MROH7: variants seen among roughly 807,000 people sequenced by gnomAD.
MROH7 encodes maestro heat-like repeat-containing protein family member 7.
Under a neutral mutation model 129.2 loss-of-function variants are expected in MROH7, and 113 were observed. The ratio of observed to expected loss-of-function variants is 0.87; its 90% CI spans 0.75 to 1.02. The LOEUF (loss-of-function observed/expected upper bound fraction) is 1.02, where lower values mean the gene tolerates loss of function less well. Among genes scored for constraint, MROH7 ranks in the 50% least tolerant of loss-of-function variants. The pLI is 0.00. For synonymous variants in MROH7, 655 were observed against 667.9 expected (o/e 0.98, Z 0.30); for missense variants, 1,601 against 1,671.3 (o/e 0.96, Z 0.73).
In MROH7 at chr1:54,682,517, T is replaced by C. The variant is rs747326438; in HGVS notation, c.2382-139T>C. ...TAGCCCCTGACTCTTTGGGAGTGTT[T>C]TCTGGACTATTCCTTGCAGGTGTGC... is the stretch of plus-strand genomic sequence containing the variant. On this transcript the variant is annotated intron_variant, in intron 13 of 23. Coordinates refer to ENST00000421030, the MANE Select transcript of MROH7 (RefSeq NM_001039464.4). The C allele has an allele frequency of 9.8e-5, 78 of 794,916 alleles. 1 individual carries two copies. Among genetic ancestry groups the C allele is most frequent in the Non-Finnish European group, 3.0e-5 (15 of 498,396 alleles). The allele number at this position is 794,916 out of a possible 1,614,324, so 49.2% of individuals were successfully genotyped here. A position where few individuals can be genotyped will look rare whatever the true frequency, so the allele number is the denominator to read the frequency against.
chr1:54,686,332 G>C lies in MROH7; in HGVS notation c.2595G>C (p.Leu865=). The change falls in exon 15 of 24, where the codon CTG becomes CTC. Residue 865 remains leucine, a synonymous_variant. Transcript: ENST00000421030. ...MGRVRRIYPQ[L]LLALLIQVHY... The stretch of plus-strand genomic sequence containing the variant: ...GTGTGAGGCGCATCTACCCTCAGCT[G>C]CTCCTGGCCCTGCTCATTCAGGTCC... 6.2e-7 allele frequency: 1 copy of C among 1,614,164 alleles called. No individual in the cohort carries two copies.
At position 54,682,783 on chromosome 1, in the gene MROH7, G is replaced by A. The variant is rs1334652008; in HGVS notation, c.2509G>A (p.Val837Met). 6.8e-6 allele frequency: 11 copies of A among 1,612,012 alleles called. No individual in the cohort carries two copies. The highest frequency in any genetic ancestry group is 1.3e-5 in the African/African-American group (1 of 74,890). ...PVTKEGRASI[V>M]PLAAASGLCE... ...CACCAAGGAGGGCCGGGCTTCCATCGTGCCCCTGGCGGTGAGCACCCAGTC... is the reference window on the plus strand; with the variant it reads ...CACCAAGGAGGGCCGGGCTTCCATCATGCCCCTGGCGGTGAGCACCCAGTC... Residue 837 changes from valine to methionine, a missense_variant, in exon 14 of 24, where the codon GTG (valine) becomes ATG (methionine). By Grantham distance (21) the Val-to-Met change is conservative. Transcript: ENST00000421030.
chr1:54,664,049 C>T (rs950273276), intron 3 of MROH7: 1 of 263,680 alleles, frequency 3.8e-6, no homozygotes, highest in Admixed American at 5.1e-5. Context: ...CTCTATTGGT[C>T]CTGCCCAGTA....
chr1:54,697,816 T>A (rs1645347041), intron 17 of MROH7: 1 of 582,156 alleles, frequency 1.7e-6, no homozygotes, highest in East Asian at 2.8e-5. Context: ...AGTCTGTTAG[T>A]GTCTACCACA....
Position 54,652,963 on chromosome 1 carries a change from G to A in MROH7, c.37G>A (p.Glu13Lys). 1 of 1,610,648 alleles carries A rather than the reference G, an allele frequency of 6.2e-7. No homozygotes were observed. Residue 13 changes from glutamate (E) to lysine (K), a missense_variant, in exon 3 of 24, where the codon GAA becomes AAA. Physicochemically the swap from Glu to Lys is moderately conservative, Grantham distance 56. Transcript: ENST00000421030. Reference protein sequence around the residue: ...LSPGANLVFHEDPKMTPSPPS... With the variant: ...LSPGANLVFHKDPKMTPSPPS... ...TCCAGGGGCTAACCTGGTCTTCCAT[G>A]AAGACCCAAAGATGACACCAAGTCC...
chr1:54,670,439 GC>G, intron 5 of MROH7, 57 bp from the exon 6 acceptor site: 1 of 1,508,970 alleles, frequency 6.6e-7, no homozygotes, highest in African/African-American at 1.4e-5. Context: ...GGCAGCCTTG[GC>G]CCTGGTGGCC....
rs761602228 is a variant in MROH7 at position 54,700,449 on chromosome 1, C to T, written c.3093C>T (p.Arg1031=). ...LSIRGLVILA[R]RSEKTAKVKA... is the part of the protein sequence containing the mutation. ...TTCGAGGCCTGGTCATCCTGGCCCG[C>T]AGGTCTGAGAAGGTGAGTGGGAGGC... Residue 1031 remains arginine (R), a synonymous_variant, in exon 18 of 24, where the codon CGC becomes CGT. Coordinates refer to ENST00000421030, the MANE Select transcript of MROH7 (RefSeq NM_001039464.4). 2 of 1,599,454 alleles carry T rather than the reference C, an allele frequency of 1.3e-6. No individual in the cohort carries two copies. The highest frequency in any genetic ancestry group is 1.7e-6 in the Non-Finnish European group (2 of 1,171,910).
rs374681053 is a variant in MROH7 at position 54,702,125 on chromosome 1, G to A, written c.3321G>A (p.Leu1107=). 1 of 1,611,730 alleles carries A rather than the reference G, an allele frequency of 6.2e-7. No homozygotes were observed. The change falls in exon 20 of 24, where the codon CTG becomes CTA. Residue 1107 remains leucine, a synonymous_variant. Coordinates refer to ENST00000421030, the MANE Select transcript of MROH7 (RefSeq NM_001039464.4). The stretch of plus-strand genomic sequence containing the variant: ...TCGTGCGCTCCTCCTGCATCAACCT[G>A]TATGGGAAGGTGGTCCAGAAGCTTC... ...REVVRSSCIN[L]YGKVVQKLRA...
At chr1:54,670,675 C>T in intron 6 of MROH7, 99 bp downstream of exon 6, 1 of 1,305,026 alleles carries the variant, frequency 7.7e-7, no homozygotes, top group Non-Finnish European at 1.1e-6. Flanking sequence ...CAACCCGCCC[C>T]CACCCCTCGC....
At chr1:54,692,283 T>C (rs1645251986) in intron 15 of MROH7, 141 bp from the exon 16 acceptor site, 1 of 1,039,808 alleles carries the variant, frequency 9.6e-7, no homozygotes, top group Non-Finnish European at 1.4e-6. Flanking sequence ...AAGCCACCCT[T>C]TGTGGATACA....
chr1:54,674,074 G>A lies in MROH7; in HGVS notation c.1859G>A (p.Gly620Glu), dbSNP rs777366408. 8 of 1,614,012 alleles carry A rather than the reference G, an allele frequency of 5.0e-6. No homozygotes were observed. The South Asian group carries it at 8.8e-5, about 18-fold the overall frequency. The change falls in exon 10 of 24, where the codon GGG becomes GAG. Residue 620 changes from glycine to glutamate, a missense_variant. Gly to Glu is a moderately conservative substitution (Grantham distance 98, BLOSUM62 -2). Transcript: ENST00000421030. ...LLLGRLILHI[G>E]DPDEEIGCEA... ...CTGGGGAGACTCATCCTTCACATTGGGGATCCTGATGAGGAGATTGGCTGT... is the reference window on the plus strand; with the variant it reads ...CTGGGGAGACTCATCCTTCACATTGAGGATCCTGATGAGGAGATTGGCTGT...
chr1:54,686,226 G>C (rs561845787), intron 14 of MROH7, 32 bp from the exon 15 acceptor site: 72 of 1,579,216 alleles, frequency 4.6e-5, no homozygotes, highest in Non-Finnish European at 6.2e-5. Flanking sequence ...GATGGGCCAC[G>C]ACATCCCAGC....
chr1:54,675,836 T>G (rs772091736), intron 10 of MROH7, among the ~76,000 whole-genome samples: 9 of 151,580 alleles, frequency 5.9e-5, no homozygotes, highest in Non-Finnish European at 1.3e-4. Context: ...ATACTGGGGT[T>G]TCAAGACCAG....
At chr1:54,695,683 C>T (rs1241461223) in intron 17 of MROH7, 193 bp downstream of exon 17, 1 of 634,154 alleles carries the variant, frequency 1.6e-6, no homozygotes, top group African/African-American at 1.8e-5. Flanking sequence ...TACTCCATTC[C>T]ACTCTTAACC....
At chr1:54,707,863 T>C (rs1256161158) in intron 22 of MROH7, among the ~76,000 whole-genome samples, 1 of 152,188 alleles carries the variant, frequency 6.6e-6, no homozygotes, top group East Asian at 1.9e-4. Flanking sequence ...CAATTTTGCA[T>C]CCTCAGATGG....
intron 17 of MROH7, chr1:54,695,903 A>G (rs1009535305): frequency 1.3e-5 from 4 of 305,940 alleles, no homozygotes; most frequent in Non-Finnish European, 1.3e-5. Flanking sequence ...TGGTGGGGAA[A>G]CAAGTGACTT....
At chr1:54,705,551 G>A (rs1409028391) in intron 21 of MROH7, among the ~76,000 whole-genome samples, 1 of 152,220 alleles carries the variant, frequency 6.6e-6, no homozygotes, top group Non-Finnish European at 1.5e-5. Context: ...GCTTCAGGAA[G>A]GAGGTGGCAT....
At chr1:54,647,016 C>A (rs961149755) in intron 1 of MROH7, among the ~76,000 whole-genome samples, 2 of 152,192 alleles carry the variant, frequency 1.3e-5, no homozygotes, top group Non-Finnish European at 2.9e-5. Flanking sequence ...TACGGACATA[C>A]CATATATTGT....
rs1272665992 is a variant in MROH7 at position 54,706,411 on chromosome 1, T to C, written c.3565-24T>C. On this transcript the variant is annotated intron_variant, in intron 21 of 23. Coordinates refer to ENST00000421030, the MANE Select transcript of MROH7 (RefSeq NM_001039464.4). ...ATTGGTTCCTCTGAGAGGCCAGCAC[T>C]TTTGGGGTTTCTCTTTGTCCTAGGT... 12 of 1,584,966 alleles carry C rather than the reference T, an allele frequency of 7.6e-6. No individual in the cohort carries two copies. The African/African-American group carries it at 1.4e-4, about 18-fold the overall frequency.
Sources: allele counts gnomAD v4.1 joint callset (sites outside exome capture counted in the v4.1 genomes callset), GRCh38; gene constraint gnomAD v4.1.1; transcripts MANE v1.5; gene names NCBI Gene and HGNC (gene_info 2026-07-23, HGNC 2026-07-21).